UPRT: variants seen among roughly 807,000 people sequenced by gnomAD.
The protein encoded by UPRT is uracil phosphoribosyltransferase homolog, also known as RP11-311P8.3.
In UPRT, 5 loss-of-function variants were observed where a neutral mutation model predicts 22.6. That is an observed-to-expected ratio of 0.22 (90% CI 0.12 to 0.47). The LOEUF (loss-of-function observed/expected upper bound fraction) is 0.47. Among genes scored for constraint, UPRT ranks in the 20% least tolerant of loss-of-function variants. The pLI, the probability that UPRT is intolerant of heterozygous loss-of-function variation, is 0.99. For missense variants in UPRT, 181 were observed against 239.9 expected (o/e 0.75, Z 1.62); for synonymous variants, 77 against 87.7 (o/e 0.88, Z 0.68).
intron 1 of UPRT, chrX:75,285,453 G>T (rs995315389): frequency 2.7e-5 from 3 of 111,950 alleles, no homozygotes. Flanking sequence ...GACCCAGCAA[G>T]CTTCCAGGGC....
chrX:75,288,948 C>A (rs771679087), intron 1 of UPRT, among the ~76,000 whole-genome samples: 6 of 111,719 alleles, frequency 5.4e-5, no homozygotes, highest in African/African-American at 1.6e-4. Flanking sequence ...CCTGTAGATT[C>A]CACCAAAAGG....
intron 1 of UPRT, among the ~76,000 whole-genome samples, chrX:75,287,159 TA>T (rs2082685567): frequency 9.0e-6 from 1 of 110,866 alleles, no homozygotes; most frequent in South Asian, 3.7e-4. Context: ...TTGATTTTTG[TA>T]AAAAAAAGAT....
chrX:75,251,623 A>T (rs1378925589), intron 4 of UPRT, among the ~76,000 whole-genome samples: 1 of 111,829 alleles, frequency 8.9e-6, no homozygotes, highest in East Asian at 2.8e-4. Context: ...ATGTCGTGAA[A>T]ATGGCCATAC....
intron 4 of UPRT, among the ~76,000 whole-genome samples, chrX:75,239,894 A>T (rs1281864178): frequency 9.0e-6 from 1 of 111,598 alleles, no homozygotes; most frequent in Non-Finnish European, 1.9e-5. Flanking sequence ...AAAATTTAGC[A>T]TCCCTTTATG....
intron 1 of UPRT, 174 bp downstream of exon 1, chrX:75,274,814 G>C (rs1302125259): frequency 1.8e-5 from 6 of 336,713 alleles, no homozygotes; most frequent in Admixed American, 6.4e-5. Context: ...GTGTGTGTGT[G>C]TGTCGTGTAA....
intron 1 of UPRT, among the ~76,000 whole-genome samples, chrX:75,157,097 C>T (rs2082183653): frequency 1.8e-5 from 2 of 112,079 alleles, no homozygotes; most frequent in Admixed American, 9.5e-5. Context: ...CTTTTGTCAC[C>T]ACTATTATCA....
chrX:75,263,764 T>A (rs2082577054), intron 4 of UPRT, among the ~76,000 whole-genome samples: 1 of 110,543 alleles, frequency 9.0e-6, no homozygotes, highest in Non-Finnish European at 1.9e-5. Flanking sequence ...TGCTAGCTTT[T>A]GAATGTGTTT....
At chrX:75,184,016 A>T (rs1487104414) in intron 4 of UPRT, among the ~76,000 whole-genome samples, 19 of 111,946 alleles carry the variant, frequency 1.7e-4, no homozygotes, top group African/African-American at 4.5e-4. Flanking sequence ...GTGCAGAAGC[A>T]CTTTAGTTTA....
intron 4 of UPRT, among the ~76,000 whole-genome samples, chrX:75,210,409 G>A (rs2082377218): frequency 9.0e-6 from 1 of 111,243 alleles, no homozygotes; most frequent in African/African-American, 3.3e-5. Flanking sequence ...GAGATCCTTG[G>A]AAAAGGAGCC....
intron 4 of UPRT, among the ~76,000 whole-genome samples, chrX:75,251,827 G>C (rs1381942992): frequency 1.8e-5 from 2 of 111,392 alleles, no homozygotes; most frequent in African/African-American, 6.5e-5. Flanking sequence ...CAAGGCTACA[G>C]TAACCAAAAC....
At chrX:75,159,822 G>C (rs1400402753) in intron 1 of UPRT, among the ~76,000 whole-genome samples, 1 of 95,204 alleles carries the variant, frequency 1.1e-5, no homozygotes, top group Non-Finnish European at 2.0e-5. Context: ...AGTTGCTCAG[G>C]CTGGAGTGCA....
At chrX:75,297,373 C>T (rs1375234376) in intron 3 of UPRT, 118 bp from the exon 4 acceptor site, 8 of 606,742 alleles carry the variant, frequency 1.3e-5, no homozygotes, top group Non-Finnish European at 2.1e-5. Context: ...AGGCATTATA[C>T]AGTGTGTCTG....
At chrX:75,235,378 T>C (rs1280543496) in intron 4 of UPRT, among the ~76,000 whole-genome samples, 2 of 111,666 alleles carry the variant, frequency 1.8e-5, no homozygotes, top group Admixed American at 9.5e-5. Flanking sequence ...ACTGGTACCA[T>C]TCCTTCTGAA....
At position 75,274,231 on chromosome X, in the gene UPRT, C is replaced by T. The variant is rs916397411; in HGVS notation, c.-24C>T. 62 of 1,180,230 alleles carry T rather than the reference C, an allele frequency of 5.3e-5. No individual in the cohort carries two copies. Among genetic ancestry groups the T allele is most frequent in the Non-Finnish European group, 6.8e-5 (60 of 878,452 alleles). ...CTTTATCTTTAGTGTTCAGTAGCAG[C>T]GGGGATAGCCCGGGGCCCGGTGTAT... On this transcript the variant is annotated 5_prime_UTR_variant, in exon 1 of 7. Coordinates refer to ENST00000373383, the MANE Select transcript of UPRT (RefSeq NM_145052.4).
chrX:75,256,727 G>C (rs965974257), intron 4 of UPRT, among the ~76,000 whole-genome samples: 4 of 111,699 alleles, frequency 3.6e-5, no homozygotes, highest in African/African-American at 1.3e-4. Context: ...ATCATTCAAG[G>C]CTACTATGAA....
Position 75,240,329 on chromosome X carries a change from A to C in UPRT, c.-446-50695A>C, listed in dbSNP as rs191677915. Among the ~76,000 whole-genome samples, 8 of 111,237 alleles carry C rather than the reference A, an allele frequency of 7.2e-5. No homozygotes were observed. In the East Asian group the frequency reaches 2.3e-3, roughly 32 times the overall value. ...GCCCAAGCAGAGAATCAAATCAGGAACTCAACCCCTTATACAACAGCTGCA... is the reference window on the plus strand; with the variant it reads ...GCCCAAGCAGAGAATCAAATCAGGACCTCAACCCCTTATACAACAGCTGCA... On this transcript the variant is annotated intron_variant, in intron 4 of 13. Transcript: ENST00000652605.
intron 4 of UPRT, among the ~76,000 whole-genome samples, chrX:75,185,362 G>A (rs1193600477): frequency 1.8e-5 from 2 of 111,791 alleles, no homozygotes; most frequent in Non-Finnish European, 3.8e-5. Context: ...TGCATCCCAG[G>A]GATGAAGCCC....
chrX:75,197,600 A>G (rs1393517474), intron 4 of UPRT, among the ~76,000 whole-genome samples: 1 of 112,072 alleles, frequency 8.9e-6, no homozygotes, highest in Non-Finnish European at 1.9e-5. Context: ...ATTAAAACAT[A>G]TATCAGACAT....
chrX:75,302,784 C>G (rs919272483), intron 6 of UPRT, among the ~76,000 whole-genome samples: 3 of 111,396 alleles, frequency 2.7e-5, no homozygotes, highest in African/African-American at 9.8e-5. Flanking sequence ...AGAGTCCTAA[C>G]TTCTAAAAAG....
Sources: allele counts gnomAD v4.1 joint callset (sites outside exome capture counted in the v4.1 genomes callset), GRCh38; gene constraint gnomAD v4.1.1; transcripts MANE v1.5; gene names NCBI Gene and HGNC (gene_info 2026-07-23, HGNC 2026-07-21).